KMO: variants seen among roughly 807,000 people sequenced by gnomAD.
KMO encodes kynurenine 3-hydroxylase.
A neutral mutation model predicts 57.8 loss-of-function variants in KMO; 24 were observed. The ratio of observed to expected loss-of-function variants is 0.42; its 90% confidence interval spans 0.30 to 0.58. KMO has a LOEUF of 0.58. Ranked by LOEUF, KMO falls within the 20% of genes least tolerant of loss-of-function variation. The pLI is 0.22. For synonymous variants in KMO, 210 were observed against 193.6 expected (o/e 1.08, Z -0.70); for missense variants, 483 against 588.2 (o/e 0.82, Z 1.85).
intron 10 of KMO, among the ~76,000 whole-genome samples, chr1:241,585,054 C>T (rs1036263459): frequency 1.3e-5 from 2 of 151,644 alleles, no homozygotes; most frequent in East Asian, 1.9e-4. Context: ...GGTGAAACCC[C>T]GTCTCTACTG....
intron 4 of KMO, among the ~76,000 whole-genome samples, chr1:241,553,523 T>TA (rs1373940280): frequency 1.3e-5 from 2 of 151,950 alleles, no homozygotes; most frequent in African/African-American, 2.4e-5. Flanking sequence ...CCTGTTTCTA[T>TA]AAAAAAATTT....
At chr1:241,540,915 T>C (rs116506667) in intron 1 of KMO, among the ~76,000 whole-genome samples, 3,026 of 152,030 alleles carry the variant, frequency 0.02, 83 homozygotes, top group East Asian at 0.063. Context: ...ATTAAAAAAA[T>C]TAGCCAGGCA....
intron 1 of KMO, among the ~76,000 whole-genome samples, chr1:241,541,227 G>C (rs1471694000): frequency 6.6e-6 from 1 of 152,126 alleles, no homozygotes; most frequent in African/African-American, 2.4e-5. Context: ...TGCTGTGAGA[G>C]AGACTGAAGA....
intron 1 of KMO, among the ~76,000 whole-genome samples, chr1:241,538,738 G>T (rs1558409570): frequency 6.6e-6 from 1 of 152,104 alleles, no homozygotes; most frequent in Non-Finnish European, 1.5e-5. Context: ...TTTCTTTGTG[G>T]CTGTGCCTCA....
intron 3 of KMO, 140 bp from the exon 4 acceptor site, chr1:241,550,815 A>G (rs1661366388): frequency 1.9e-6 from 1 of 528,442 alleles, no homozygotes; most frequent in Admixed American, 3.4e-5. Flanking sequence ...AGTTTCTACC[A>G]CGTTGGGCTT....
At chr1:241,557,344 A>G (rs1661676132) in intron 5 of KMO, among the ~76,000 whole-genome samples, 2 of 152,156 alleles carry the variant, frequency 1.3e-5, no homozygotes, top group African/African-American at 4.8e-5. Context: ...ATGCCACTTA[A>G]TATTTCTACT....
At chr1:241,564,868 C>T (rs1011778907) in intron 7 of KMO, 119 bp from the exon 8 acceptor site, 2 of 633,444 alleles carry the variant, frequency 3.2e-6, no homozygotes, top group East Asian at 2.7e-5. Flanking sequence ...AATAGATGTG[C>T]GTATCATCGT....
chr1:241,539,033 C>T (rs376269003), intron 1 of KMO, among the ~76,000 whole-genome samples: 18 of 152,182 alleles, frequency 1.2e-4, no homozygotes, highest in African/African-American at 3.4e-4. Flanking sequence ...TAATCTAAGC[C>T]GGTATTTTTT....
At chr1:241,577,799 A>G (rs68168341) in intron 10 of KMO, among the ~76,000 whole-genome samples, 42,754 of 152,052 alleles carry the variant, frequency 0.28, 6,539 homozygotes, top group East Asian at 0.39. Context: ...GCAATATGAA[A>G]TGTTGGTCAG....
intron 6 of KMO, among the ~76,000 whole-genome samples, chr1:241,561,036 T>C (rs78270061): frequency 8.5e-5 from 13 of 152,288 alleles, no homozygotes; most frequent in African/African-American, 3.1e-4. Flanking sequence ...CTCTCAAATA[T>C]ACGTGACCCT....
At chr1:241,539,181 G>A (rs1660862415) in intron 1 of KMO, among the ~76,000 whole-genome samples, 1 of 152,062 alleles carries the variant, frequency 6.6e-6, no homozygotes, top group Middle Eastern at 3.2e-3. Context: ...TCAAGAGTTC[G>A]AGACCAGTCT....
intron 4 of KMO, among the ~76,000 whole-genome samples, chr1:241,551,897 G>C (rs1661404725): frequency 6.6e-6 from 1 of 152,136 alleles, no homozygotes; most frequent in Non-Finnish European, 1.5e-5. Context: ...GGGTGGAGGC[G>C]GAGGTTCTAC....
rs201495076 is a variant in KMO at position 241,594,420 on chromosome 1, C to G, written c.*2267C>G. ...TAAGGCCCCATCTTTCGTTGCCATT[C>G]TTCATTCCTACAAAGGACGAACTTG... On this transcript the variant is annotated 3_prime_UTR_variant, in exon 15 of 15. Transcript: ENST00000366559. 231 of 1,608,542 alleles carry G rather than the reference C, an allele frequency of 1.4e-4. 4 individuals are homozygous for G. In the East Asian group the frequency reaches 4.6e-3, roughly 32 times the overall value.
intron 10 of KMO, among the ~76,000 whole-genome samples, chr1:241,584,425 G>C (rs761776811): frequency 1.3e-5 from 2 of 152,238 alleles, no homozygotes; most frequent in Non-Finnish European, 2.9e-5. Flanking sequence ...TTCAACCATT[G>C]TGGAAGACAG....
chr1:241,569,379 A>G (rs1427531816), intron 10 of KMO, among the ~76,000 whole-genome samples: 2 of 152,024 alleles, frequency 1.3e-5, no homozygotes, highest in East Asian at 3.8e-4. Flanking sequence ...TTTAATTTTT[A>G]TAGCTCCCTC....
At chr1:241,561,366 T>C (rs967799035) in intron 6 of KMO, among the ~76,000 whole-genome samples, 2 of 152,184 alleles carry the variant, frequency 1.3e-5, no homozygotes, top group Admixed American at 6.6e-5. Flanking sequence ...CATTCCTGAC[T>C]TCCCCAGAAC....
At chr1:241,534,073 A>G (rs1263765304) in intron 1 of KMO, among the ~76,000 whole-genome samples, 1 of 152,244 alleles carries the variant, frequency 6.6e-6, no homozygotes, top group African/African-American at 2.4e-5. Context: ...AGGATCTTAG[A>G]GGTCCAGGCA....
At chr1:241,573,211 T>C (rs1392320222) in intron 10 of KMO, among the ~76,000 whole-genome samples, 1 of 152,180 alleles carries the variant, frequency 6.6e-6, no homozygotes, top group Non-Finnish European at 1.5e-5. Context: ...GGTTTCGACC[T>C]GCTGTGCTCA....
chr1:241,564,841 C>A (rs1662014862), intron 7 of KMO, 146 bp from the exon 8 acceptor site: 1 of 570,338 alleles, frequency 1.8e-6, no homozygotes, highest in South Asian at 2.3e-5. Flanking sequence ...TCTAAGACAA[C>A]TTCTATTTTA....
Sources: gnomAD v4.1 joint callset for allele counts (sites outside exome capture counted in the v4.1 genomes callset) on GRCh38, gnomAD v4.1.1 for gene constraint, MANE v1.5 for transcripts, NCBI Gene and HGNC (gene_info 2026-07-23, HGNC 2026-07-21) for gene names.